KMT2C: variants seen among roughly 807,000 people sequenced by gnomAD.
KMT2C encodes the protein lysine methyltransferase 2C.
KMT2C carries 88 observed loss-of-function variants against 507.9 expected under a neutral mutation model. The ratio of observed to expected loss-of-function variants is 0.17; its 90% CI spans 0.15 to 0.21. The LOEUF is 0.21. Among genes scored for constraint, KMT2C ranks in the 10% least tolerant of loss-of-function variants. The probability of loss-of-function intolerance (pLI) is 1.00; values close to 1 mark genes in which losing one functional copy is unlikely to be tolerated. For synonymous variants in KMT2C, 2,049 were observed against 2,080.8 expected, an observed-to-expected ratio of 0.98 and a Z score of 0.42; for missense variants, 4,954 against 5,957.8, an observed-to-expected ratio of 0.83 and a Z score of 5.55.
chr7:152,358,692 A>T lies in KMT2C; in HGVS notation c.162-17T>A, dbSNP rs187902675. The T allele has an allele frequency of 8.4e-3, 12,646 of 1,514,012 alleles. 53 individuals are homozygous for T. The highest frequency in any genetic ancestry group is 0.01 in the Non-Finnish European group (11,185 of 1,100,250). 93.8% of individuals were successfully genotyped at this position (1,514,012 alleles called of 1,614,324 possible). A position where few individuals can be genotyped will look rare whatever the true frequency, so the allele number is the denominator to read the frequency against. The stretch of plus-strand genomic sequence containing the variant: ...CTTCGAGGTCTACAGAAAAAAAAAA[A>T]AATAATAAGTACATAGAGTTAAATG... On this transcript the variant is annotated splice_polypyrimidine_tract_variant and intron_variant, in intron 1 of 58. Coordinates refer to ENST00000262189, the MANE Select transcript of KMT2C (RefSeq NM_170606.3).
rs914279067 is a variant in KMT2C at position 152,177,467 on chromosome 7, C to A, written c.7986G>T (p.Leu2662Phe). Residue 2662 changes from leucine to phenylalanine, a missense_variant, in exon 38 of 59, where the codon TTG (leucine) becomes TTT (phenylalanine). Coordinates refer to ENST00000262189, the MANE Select transcript of KMT2C (RefSeq NM_170606.3). Reference protein sequence around the residue: ...PLGGEFSEAPLSTSVPSETTS... With the variant: ...PLGGEFSEAPFSTSVPSETTS... ...TTGTTTCAGACGGTACAGATGTTGA[C>A]AAAGGAGCTTCTGAAAATTCACCAC... 2 of 1,614,176 alleles carry A rather than the reference C, an allele frequency of 1.2e-6. No individual in the cohort carries two copies. Among genetic ancestry groups the A allele is most frequent in the Non-Finnish European group, 1.7e-6 (2 of 1,180,014 alleles).
chr7:152,374,855 C>T (rs982737279), intron 1 of KMT2C, among the ~76,000 whole-genome samples: 2 of 149,612 alleles, frequency 1.3e-5, no homozygotes, highest in African/African-American at 5.0e-5. Context: ...TGTACTCTAG[C>T]CTTAGTGACA....
intron 6 of KMT2C, among the ~76,000 whole-genome samples, chr7:152,304,658 G>C (rs1284755247): frequency 6.6e-6 from 1 of 152,056 alleles, no homozygotes; most frequent in Non-Finnish European, 1.5e-5. Flanking sequence ...ATAGAGCTAG[G>C]TATCAGAATA....
intron 32 of KMT2C, 89 bp from the exon 33 acceptor site, chr7:152,187,565 A>G (rs1359335376): frequency 1.7e-5 from 24 of 1,421,668 alleles, no homozygotes; most frequent in African/African-American, 7.3e-5. Flanking sequence ...ACCTATTACA[A>G]AACAGTTAAA....
intron 55 of KMT2C, among the ~76,000 whole-genome samples, chr7:152,141,900 T>A (rs2090606015): frequency 6.6e-6 from 1 of 152,064 alleles, no homozygotes; most frequent in Non-Finnish European, 1.5e-5. Context: ...CATGCGCCTG[T>A]AGCCCTGGCT....
intron 7 of KMT2C, among the ~76,000 whole-genome samples, chr7:152,266,149 G>A (rs1287718755): frequency 2.0e-5 from 3 of 151,778 alleles, no homozygotes; most frequent in Admixed American, 6.6e-5. Flanking sequence ...TGACTCATAC[G>A]TTCTTTCTTT....
At chr7:152,418,796 ATTTTCT>A (rs1396296588) in intron 1 of KMT2C, among the ~76,000 whole-genome samples, 2 of 151,674 alleles carry the variant, frequency 1.3e-5, no homozygotes, top group African/African-American at 4.8e-5. Context: ...CAATACGGAA[ATTTTCT>A]TTTACATGTT....
At position 152,200,986 on chromosome 7, in the gene KMT2C, A is replaced by G. The variant is rs1429137576; in HGVS notation, c.4093-1527T>C. 1.1e-4 allele frequency among the ~76,000 whole-genome samples: 16 copies of G among 152,312 alleles called. No homozygotes were observed. In the East Asian group the frequency reaches 1.9e-3, roughly 18 times the overall value. ...CCAGGTAGAAGAGGATTCATTTCTTATAATAAGCAATGCTTTTATCATTAG... is the reference window on the plus strand; with the variant it reads ...CCAGGTAGAAGAGGATTCATTTCTTGTAATAAGCAATGCTTTTATCATTAG... On this transcript the variant is annotated intron_variant, in intron 26 of 58. Coordinates refer to ENST00000262189, the MANE Select transcript of KMT2C (RefSeq NM_170606.3).
chr7:152,175,548 ATGAG>A (rs1340813153), intron 38 of KMT2C, among the ~76,000 whole-genome samples: 1 of 146,490 alleles, frequency 6.8e-6, no homozygotes, highest in African/African-American at 2.6e-5. Flanking sequence ...ACTCCCACTT[ATGAG>A]TGAGAACATG....
intron 39 of KMT2C, among the ~76,000 whole-genome samples, chr7:152,173,784 C>A (rs1429869358): frequency 2.0e-5 from 3 of 151,992 alleles, no homozygotes; most frequent in Non-Finnish European, 4.4e-5. Flanking sequence ...AGTGTCTTAA[C>A]TGAAAAAAAT....
At chr7:152,268,417 A>C (rs1236739030) in intron 7 of KMT2C, among the ~76,000 whole-genome samples, 1 of 152,228 alleles carries the variant, frequency 6.6e-6, no homozygotes, top group Non-Finnish European at 1.5e-5. Context: ...AACTCTGTGA[A>C]TCCTTGAAGG....
chr7:152,397,140 CTTT>C (rs1223324125), intron 1 of KMT2C, among the ~76,000 whole-genome samples: 3 of 151,996 alleles, frequency 2.0e-5, no homozygotes, highest in Non-Finnish European at 2.9e-5. Context: ...TTTAATTCTT[CTTT>C]ATCTCATATC....
At chr7:152,218,702 G>A (rs867513992) in intron 23 of KMT2C, among the ~76,000 whole-genome samples, 44 of 152,144 alleles carry the variant, frequency 2.9e-4, no homozygotes, top group East Asian at 1.9e-3. Flanking sequence ...GGTTGTGTGA[G>A]ATATACTGAG....
At chr7:152,154,586 T>C in intron 46 of KMT2C, 141 bp from the exon 47 acceptor site, 1 of 628,218 alleles carries the variant, frequency 1.6e-6, no homozygotes, top group Non-Finnish European at 2.8e-6. Flanking sequence ...ATGAATCAGC[T>C]CAGAGCCACA....
intron 40 of KMT2C, among the ~76,000 whole-genome samples, chr7:152,170,876 C>T (rs1349915095): frequency 1.3e-5 from 2 of 151,980 alleles, no homozygotes; most frequent in African/African-American, 4.8e-5. Flanking sequence ...ATGAAAATGT[C>T]CTTCTGGAGT....
intron 6 of KMT2C, among the ~76,000 whole-genome samples, chr7:152,284,812 G>T (rs1588900907): frequency 2.2e-4 from 33 of 152,168 alleles, no homozygotes. Context: ...ATAAAAAGAG[G>T]CTCAATCTAA....
intron 1 of KMT2C, among the ~76,000 whole-genome samples, chr7:152,398,817 C>T (rs1589731803): frequency 6.6e-6 from 1 of 152,086 alleles, no homozygotes; most frequent in Non-Finnish European, 1.5e-5. Context: ...AGGCTTAACA[C>T]ACATAATGAG....
At chr7:152,196,999 G>A (rs1489083690) in intron 27 of KMT2C, among the ~76,000 whole-genome samples, 1 of 152,174 alleles carries the variant, frequency 6.6e-6, no homozygotes, top group Non-Finnish European at 1.5e-5. Context: ...GAAGTGTAAT[G>A]AGAAGTTGCT....
intron 14 of KMT2C, among the ~76,000 whole-genome samples, chr7:152,246,246 T>C (rs1251612538): frequency 3.3e-5 from 5 of 151,924 alleles, no homozygotes; most frequent in Admixed American, 6.6e-5. Flanking sequence ...AAAACCAAGA[T>C]TGGAAAACTA....
Sources: gnomAD v4.1 joint callset for allele counts (sites outside exome capture counted in the v4.1 genomes callset) on GRCh38, gnomAD v4.1.1 for gene constraint, MANE v1.5 for transcripts, NCBI Gene and HGNC (gene_info 2026-07-23, HGNC 2026-07-21) for gene names.